The following TMEM204 variants were observed in gnomAD, a reference collection of about 807,000 sequenced individuals.
TMEM204 encodes the protein transmembrane protein 204, also known as claudin-like protein 24.
In TMEM204, 15 loss-of-function variants were observed where a neutral mutation model predicts 19.4. That is an observed-to-expected ratio of 0.77 (90% CI 0.52 to 1.19). TMEM204 has a LOEUF of 1.19. Among genes scored for constraint, TMEM204 ranks in the 50% most tolerant of loss-of-function variants. TMEM204 has a pLI of 0.00. For synonymous variants in TMEM204, 161 were observed against 146.0 expected (o/e 1.10, Z -0.74); for missense variants, 287 against 321.2 (o/e 0.89, Z 0.81).
At chr16:1,542,116 C>G in intron 2 of TMEM204, 40 bp downstream of exon 2, 1 of 1,531,156 alleles carries the variant, frequency 6.5e-7, no homozygotes, top group Non-Finnish European at 8.8e-7. Context: ...GCCCTTGCCC[C>G]CTGTGGCCTT....
chr16:1,544,574 C>CCCA (rs2031981130), intron 2 of TMEM204, among the ~76,000 whole-genome samples: 1 of 152,148 alleles, frequency 6.6e-6, no homozygotes, highest in African/African-American at 2.4e-5. Flanking sequence ...AGGTGATCCA[C>CCCA]CCACCTCAGC....
At chr16:1,537,961 G>A (rs1214106462) in intron 1 of TMEM204, among the ~76,000 whole-genome samples, 1 of 152,228 alleles carries the variant, frequency 6.6e-6, no homozygotes, top group Non-Finnish European at 1.5e-5. Context: ...TGCTCGGCCA[G>A]GACCCAGCTG....
chr16:1,544,477 G>A (rs536111861), intron 2 of TMEM204, among the ~76,000 whole-genome samples: 9 of 148,738 alleles, frequency 6.1e-5, no homozygotes, highest in African/African-American at 1.7e-4. Flanking sequence ...GAGCCACCGC[G>A]CCTGGCCACG....
At chr16:1,544,276 C>T (rs368675387) in intron 2 of TMEM204, among the ~76,000 whole-genome samples, 23 of 151,712 alleles carry the variant, frequency 1.5e-4, no homozygotes, top group African/African-American at 5.1e-4. Flanking sequence ...CTCCACCTCC[C>T]GGGTTCACGC....
chr16:1,544,334 C>T (rs2031949225), intron 2 of TMEM204, among the ~76,000 whole-genome samples: 1 of 151,948 alleles, frequency 6.6e-6, no homozygotes, highest in Non-Finnish European at 1.5e-5. Context: ...CAGGCGCCCG[C>T]CACCATGCCC....
chr16:1,554,217 T>G, intron 2 of TMEM204: 1 of 995,700 alleles, frequency 1.0e-6, no homozygotes, highest in South Asian at 1.5e-5. Flanking sequence ...CATCTGGAGT[T>G]CCCAAAGCAA....
intron 1 of TMEM204, among the ~76,000 whole-genome samples, chr16:1,535,822 C>T (rs185692071): frequency 3.7e-4 from 57 of 152,336 alleles, no homozygotes; most frequent in African/African-American, 1.3e-3. Flanking sequence ...GACCAACAGC[C>T]GTCTTTTAAA....
chr16:1,554,209 T>C (rs2032906352), intron 2 of TMEM204: 1 of 1,058,620 alleles, frequency 9.4e-7, no homozygotes, highest in Non-Finnish European at 1.2e-6. Flanking sequence ...CTCCAGGCCA[T>C]CTGGAGTTCC....
At chr16:1,529,929 T>G (rs2030265647), upstream of TMEM204, among the ~76,000 whole-genome samples, 2 of 152,018 alleles carry the variant, frequency 1.3e-5, no homozygotes. Context: ...CACTGTGTCC[T>G]CACTGCACAG....
intron 2 of TMEM204, among the ~76,000 whole-genome samples, chr16:1,548,035 C>G (rs1441774848): frequency 2.6e-5 from 4 of 152,180 alleles, no homozygotes; most frequent in Non-Finnish European, 5.9e-5. Flanking sequence ...CAGTTTATGT[C>G]CCTTCGTCTC....
chr16:1,552,179 G>A (rs1596350439), intron 2 of TMEM204, among the ~76,000 whole-genome samples: 1 of 152,158 alleles, frequency 6.6e-6, no homozygotes, highest in African/African-American at 2.4e-5. Flanking sequence ...AGCCTGGTGA[G>A]GGGGAGAAAC....
intron 2 of TMEM204, among the ~76,000 whole-genome samples, chr16:1,550,835 C>G (rs896582664): frequency 6.6e-6 from 1 of 152,236 alleles, no homozygotes; most frequent in Non-Finnish European, 1.5e-5. Context: ...AAGTCAAGAG[C>G]GCCCTAGCCG....
In TMEM204 at chr16:1,551,793, C is replaced by A. The variant is rs928913874; in HGVS notation, c.437-2989C>A. On this transcript the variant is annotated intron_variant, in intron 2 of 2. Coordinates refer to ENST00000566264, the MANE Select transcript of TMEM204 (RefSeq NM_024600.6). The surrounding 1 kb of genome is among the most constrained non-coding windows in gnomAD (Gnocchi z 4.0). ...CGTGGTCCGGCAGATCCGGCAAGAT[C>A]AACTCTGCGGGACCTCCCACCCGGG... Among the ~76,000 whole-genome samples the A allele has an allele frequency of 2.0e-5, 3 of 152,208 alleles. No individual in the cohort carries two copies. The highest frequency in any genetic ancestry group is 7.2e-5 in the African/African-American group (3 of 41,450).
At chr16:1,535,627 C>T (rs114020232) in intron 1 of TMEM204, among the ~76,000 whole-genome samples, 1,815 of 152,280 alleles carry the variant, frequency 0.012, 54 homozygotes, top group African/African-American at 0.042. Flanking sequence ...CAACCTGCCG[C>T]GCTCAGAACC....
Position 1,555,289 on chromosome 16 carries a change from G to T in TMEM204, c.*263G>T. 1 of 470,830 alleles carries T rather than the reference G, an allele frequency of 2.1e-6. No homozygotes were observed. The highest frequency in any genetic ancestry group is 3.8e-6 in the Non-Finnish European group (1 of 263,636). 29.2% of individuals were successfully genotyped at this position (470,830 alleles called of 1,614,324 possible). A position where few individuals can be genotyped will look rare whatever the true frequency, so the allele number is the denominator to read the frequency against. ...GCTCCACGACCACACGCACTTCAGG[G>T]TGGAAGCTGGAAGCTGAGACACAGG... is the stretch of plus-strand genomic sequence containing the variant. On this transcript the variant is annotated 3_prime_UTR_variant, in exon 3 of 3. Transcript: ENST00000566264.
intron 1 of TMEM204, among the ~76,000 whole-genome samples, chr16:1,537,205 A>G (rs548210216): frequency 4.6e-5 from 7 of 151,466 alleles, no homozygotes; most frequent in Admixed American, 3.3e-4. Context: ...ACAACGTCAC[A>G]CCGCGTGCCT....
Position 1,551,829 on chromosome 16 carries a change from T to C in TMEM204, c.437-2953T>C, listed in dbSNP as rs1407749477. The stretch of plus-strand genomic sequence containing the variant: ...GACCTCCCACCCGGGCTGGTTGCCC[T>C]GTGTTGCCTTAGAGTTTTCTTCCCG... On this transcript the variant is annotated intron_variant, in intron 2 of 2. Coordinates refer to ENST00000566264, the MANE Select transcript of TMEM204 (RefSeq NM_024600.6). The surrounding 1 kb of genome is among the most constrained non-coding windows in gnomAD (Gnocchi z 4.0). 1.3e-5 allele frequency among the ~76,000 whole-genome samples: 2 copies of C among 152,290 alleles called. No homozygotes were observed. The highest frequency in any genetic ancestry group is 2.1e-4 in the South Asian group (1 of 4,824).
chr16:1,540,711 A>C, intron 1 of TMEM204: 1 of 494,160 alleles, frequency 2.0e-6, no homozygotes, highest in Non-Finnish European at 2.6e-6. Context: ...CTTCCCTCTT[A>C]GATTCCTGCA....
chr16:1,555,117 C>T lies in TMEM204; in HGVS notation c.*91C>T, dbSNP rs2032985934. 2.7e-6 allele frequency: 4 copies of T among 1,493,180 alleles called. No individual in the cohort carries two copies. Among genetic ancestry groups the T allele is most frequent in the Non-Finnish European group, 3.6e-6 (4 of 1,118,130 alleles). The allele number at this position is 1,493,180 out of a possible 1,614,324, so 92.5% of individuals were successfully genotyped here. On this transcript the variant is annotated 3_prime_UTR_variant, in exon 3 of 3. Transcript: ENST00000566264. Reference sequence around the variant, plus strand: ...CTCCACCACCAAGTCACTTCCCCTGCTCGTGCAGAGGCACGGGATGAGTCT... The same window carrying T: ...CTCCACCACCAAGTCACTTCCCCTGTTCGTGCAGAGGCACGGGATGAGTCT...
Sources: gnomAD v4.1 joint callset for allele counts (sites outside exome capture counted in the v4.1 genomes callset) on GRCh38, gnomAD v4.1.1 for gene constraint, Gnocchi (gnomAD v3.1) non-coding constraint, MANE v1.5 for transcripts, NCBI Gene and HGNC (gene_info 2026-07-23, HGNC 2026-07-21) for gene names.